Variants in FAM117B observed in about 807,000 individuals in gnomAD.
The protein encoded by FAM117B is protein FAM117B.
In FAM117B, 22 loss-of-function variants were observed where a neutral mutation model predicts 52.8. The observed-to-expected ratio is 0.42, with a 90% CI of 0.30 to 0.59. The LOEUF (loss-of-function observed/expected upper bound fraction) is 0.59. Ranked by LOEUF, FAM117B falls within the 20% of genes least tolerant of loss-of-function variation. FAM117B has a pLI of 0.22. For synonymous variants in FAM117B, 309 were observed against 324.1 expected, an observed-to-expected ratio of 0.95 and a Z score of 0.50; for missense variants, 678 against 802.6, an observed-to-expected ratio of 0.84 and a Z score of 1.88.
intron 1 of FAM117B, 93 bp from the exon 2 acceptor site, chr2:202,695,788 A>T (rs987570532): frequency 7.4e-7 from 1 of 1,344,208 alleles, no homozygotes; most frequent in Non-Finnish European, 1.0e-6. Context: ...TACCATAGTT[A>T]AGTTGGAGAA....
chr2:202,645,234 C>T (rs187767464), intron 1 of FAM117B, among the ~76,000 whole-genome samples: 26 of 151,752 alleles, frequency 1.7e-4, no homozygotes, highest in African/African-American at 6.0e-4. Flanking sequence ...GCCTTGGCCT[C>T]CCAAAGTGCT....
chr2:202,681,477 G>T (rs571683088), intron 1 of FAM117B, among the ~76,000 whole-genome samples: 1 of 152,164 alleles, frequency 6.6e-6, no homozygotes, highest in Non-Finnish European at 1.5e-5. Context: ...AAAACTGAGC[G>T]TAGGAAAGCT....
At position 202,699,449 on chromosome 2, in the gene FAM117B, G is replaced by GAA. The variant is rs59522030; in HGVS notation, c.753+3431_753+3432dup. On this transcript the variant is annotated intron_variant, in intron 2 of 7. Transcript: ENST00000392238. ...CTCAAAAAAAAAAAAAAAAAAAAAAGAAAAAAAAAAAAAAAGAAAGAAAGA... is the reference window on the plus strand; with the variant it reads ...CTCAAAAAAAAAAAAAAAAAAAAAAGAAAAAAAAAAAAAAAAAGAAAGAAAGA... 3.1e-3 allele frequency among the ~76,000 whole-genome samples: 308 copies of GAA among 100,072 alleles called. 1 individual carries two copies. Among genetic ancestry groups the GAA allele is most frequent in the Non-Finnish European group, 4.8e-3 (250 of 52,358 alleles). The allele number at this position is 100,072 out of a possible 152,430, so 65.7% of individuals were successfully genotyped here. A position where few individuals can be genotyped will look rare whatever the true frequency, so the allele number is the denominator to read the frequency against.
At chr2:202,762,503 T>C (rs1054018420) in intron 7 of FAM117B, among the ~76,000 whole-genome samples, 2 of 152,232 alleles carry the variant, frequency 1.3e-5, no homozygotes, top group African/African-American at 4.8e-5. Context: ...CTTTGCAATA[T>C]AGAGGCATTT....
At chr2:202,725,296 A>ATTT in intron 3 of FAM117B, 1 of 159,756 alleles carries the variant, frequency 6.3e-6, no homozygotes, top group Non-Finnish European at 1.1e-5. Flanking sequence ...ATTCACATTT[A>ATTT]TTCTTTTTTT....
At chr2:202,691,888 C>T (rs1179904143) in intron 1 of FAM117B, among the ~76,000 whole-genome samples, 2 of 151,990 alleles carry the variant, frequency 1.3e-5, no homozygotes, top group Non-Finnish European at 1.5e-5. Flanking sequence ...TGAAAATGTG[C>T]TACAAAAGGA....
chr2:202,697,532 A>T (rs542150887), intron 2 of FAM117B, among the ~76,000 whole-genome samples: 54 of 151,652 alleles, frequency 3.6e-4, no homozygotes, highest in African/African-American at 1.2e-3. Context: ...CATTTTTTGA[A>T]GATTTTTTTT....
intron 4 of FAM117B, among the ~76,000 whole-genome samples, chr2:202,751,044 A>G (rs574352263): frequency 6.6e-6 from 1 of 152,300 alleles, no homozygotes; most frequent in Admixed American, 6.5e-5. Flanking sequence ...TAAACATAGA[A>G]TTTATGTTTA....
chr2:202,683,270 A>C (rs930172515), intron 1 of FAM117B, among the ~76,000 whole-genome samples: 4 of 151,556 alleles, frequency 2.6e-5, no homozygotes, highest in African/African-American at 7.3e-5. Flanking sequence ...CGGAGGGTAC[A>C]GTCAGCCGAG....
Position 202,669,953 on chromosome 2 carries a change from C to T in FAM117B, c.602-25928C>T, listed in dbSNP as rs987123334. ...TAGATGTGGCCACAAAAATTAAGTA[C>T]TTTCAGGACATTCTCTTAATTTCTT... On this transcript the variant is annotated intron_variant, in intron 1 of 7. Transcript: ENST00000392238. Among the ~76,000 whole-genome samples, 28 of 152,278 alleles carry T rather than the reference C, an allele frequency of 1.8e-4. 1 individual carries two copies. Among genetic ancestry groups the T allele is most frequent in the African/African-American group, 6.7e-4 (28 of 41,556 alleles).
intron 1 of FAM117B, among the ~76,000 whole-genome samples, chr2:202,657,648 C>T (rs1243120390): frequency 6.6e-6 from 1 of 152,016 alleles, no homozygotes; most frequent in Non-Finnish European, 1.5e-5. Flanking sequence ...GCCACCTCAC[C>T]TGGCTAATTT....
chr2:202,674,848 A>T (rs1000465120), intron 1 of FAM117B, among the ~76,000 whole-genome samples: 3 of 152,218 alleles, frequency 2.0e-5, no homozygotes, highest in Non-Finnish European at 4.4e-5. Flanking sequence ...CAATCATTTT[A>T]AGATACATGG....
chr2:202,659,364 C>T (rs767907334), intron 1 of FAM117B, among the ~76,000 whole-genome samples: 1 of 151,972 alleles, frequency 6.6e-6, no homozygotes, highest in Non-Finnish European at 1.5e-5. Context: ...GGCTGGAATG[C>T]AAAAGTGTGA....
chr2:202,663,461 G>A (rs567330241), intron 1 of FAM117B, among the ~76,000 whole-genome samples: 2 of 152,034 alleles, frequency 1.3e-5, no homozygotes, highest in South Asian at 2.1e-4. Context: ...ATTTAATGGC[G>A]AACATTACTT....
chr2:202,725,693 C>T (rs967891970), intron 3 of FAM117B, among the ~76,000 whole-genome samples: 1 of 152,130 alleles, frequency 6.6e-6, no homozygotes, highest in Admixed American at 6.5e-5. Flanking sequence ...GTTATGGCTC[C>T]ATGCTATGAT....
intron 1 of FAM117B, among the ~76,000 whole-genome samples, chr2:202,665,159 C>T (rs957108304): frequency 2.0e-5 from 3 of 151,862 alleles, no homozygotes; most frequent in African/African-American, 4.8e-5. Context: ...ATATCTTTTC[C>T]ACATGACCCT....
chr2:202,723,689 G>A (rs1438633677), intron 2 of FAM117B, among the ~76,000 whole-genome samples: 2 of 152,096 alleles, frequency 1.3e-5, no homozygotes, highest in African/African-American at 4.8e-5. Context: ...TACTTACATT[G>A]TTTCAGTCTT....
intron 1 of FAM117B, among the ~76,000 whole-genome samples, chr2:202,658,580 G>T (rs1043408020): frequency 6.6e-6 from 1 of 152,150 alleles, no homozygotes; most frequent in Non-Finnish European, 1.5e-5. Flanking sequence ...GGGATTACAG[G>T]TATGAGCCAC....
chr2:202,752,416 C>CT (rs57518801), intron 4 of FAM117B, among the ~76,000 whole-genome samples: 33,731 of 136,640 alleles, frequency 0.25, 4,708 homozygotes, highest in South Asian at 0.43. Context: ...TATGCTTTTT[C>CT]TTTTTTTTTT....
Sources: gnomAD v4.1 joint callset for allele counts (sites outside exome capture counted in the v4.1 genomes callset) on GRCh38, gnomAD v4.1.1 for gene constraint, MANE v1.5 for transcripts, NCBI Gene and HGNC (gene_info 2026-07-23, HGNC 2026-07-21) for gene names.